Variants in RTL4 observed in about 807,000 individuals in gnomAD.
RTL4 encodes the protein retrotransposon Gag-like protein 4.
Under a neutral mutation model 5.3 loss-of-function variants are expected in RTL4, and 4 were observed. The ratio of observed to expected loss-of-function variants is 0.75; its 90% CI spans 0.37 to 1.72. RTL4 has a LOEUF of 1.72. Ranked by LOEUF, RTL4 falls within the 40% of genes most tolerant of loss-of-function variation. The probability of loss-of-function intolerance (pLI) is 0.04; values close to 1 mark genes in which losing one functional copy is unlikely to be tolerated. For missense variants in RTL4, 260 were observed against 227.1 expected (o/e 1.14, Z -0.93); for synonymous variants, 98 against 87.3 (o/e 1.12, Z -0.68).
chrX:112,117,906 T>C, the RTL4 span, among the ~76,000 whole-genome samples: 1 of 112,045 alleles, frequency 8.9e-6, no homozygotes, highest in South Asian at 3.7e-4. Flanking sequence ...TAATATTGTT[T>C]CTAATAGTAA....
chrX:112,177,099 C>G, the RTL4 span, among the ~76,000 whole-genome samples: 1 of 109,911 alleles, frequency 9.1e-6, no homozygotes, highest in Non-Finnish European at 1.9e-5. Context: ...TTGATGGACA[C>G]TTAGGTTGAT....
At chrX:112,118,342 G>A in the RTL4 span, among the ~76,000 whole-genome samples, 1 of 112,063 alleles carries the variant, frequency 8.9e-6, no homozygotes, top group African/African-American at 3.2e-5. Context: ...TCATTCACAT[G>A]GTTGTTGGCA....
At chrX:112,084,381 G>A in the RTL4 span, among the ~76,000 whole-genome samples, 5 of 110,101 alleles carry the variant, frequency 4.5e-5, no homozygotes, top group Admixed American at 4.8e-4. Context: ...TTATTACCCT[G>A]GGGGATGAAG....
chrX:112,116,812 G>T, the RTL4 span, among the ~76,000 whole-genome samples: 1 of 111,486 alleles, frequency 9.0e-6, no homozygotes, highest in Non-Finnish European at 1.9e-5. Flanking sequence ...TCAGCATATT[G>T]CCTGTAGAAC....
the RTL4 span, among the ~76,000 whole-genome samples, chrX:112,297,758 T>C: frequency 8.9e-6 from 1 of 111,753 alleles, no homozygotes; most frequent in Non-Finnish European, 1.9e-5. Context: ...ACCGCTTTCT[T>C]AAAGTGCAAC....
chrX:112,120,580 G>T, the RTL4 span, among the ~76,000 whole-genome samples: 65 of 92,970 alleles, frequency 7.0e-4, no homozygotes, highest in South Asian at 3.5e-3. Flanking sequence ...CCCGGCTGGG[G>T]TTTTTTTTTT....
At chrX:112,308,593 G>A in the RTL4 span, among the ~76,000 whole-genome samples, 3 of 111,754 alleles carry the variant, frequency 2.7e-5, no homozygotes, top group African/African-American at 9.8e-5. Flanking sequence ...CTGGATACCA[G>A]ACATATCTTT....
the RTL4 span, among the ~76,000 whole-genome samples, chrX:112,177,381 A>T: frequency 1.8e-5 from 2 of 111,073 alleles, no homozygotes; most frequent in African/African-American, 6.6e-5. Flanking sequence ...GACTGGGGTG[A>T]GGTCATACCC....
At chrX:112,189,772 A>T in the RTL4 span, among the ~76,000 whole-genome samples, 3 of 111,014 alleles carry the variant, frequency 2.7e-5, no homozygotes, top group East Asian at 8.5e-4. Flanking sequence ...CTCAAAAAAA[A>T]AAAGAAATAG....
the RTL4 span, among the ~76,000 whole-genome samples, chrX:112,402,851 G>T: frequency 9.0e-6 from 1 of 111,452 alleles, no homozygotes; most frequent in African/African-American, 3.3e-5. Flanking sequence ...GAACCAGACA[G>T]CTTTAAGGAA....
chrX:112,186,565 C>G, the RTL4 span, among the ~76,000 whole-genome samples: 2 of 111,998 alleles, frequency 1.8e-5, no homozygotes, highest in African/African-American at 6.5e-5. Flanking sequence ...ACGGGAAAAA[C>G]TGTAACATTT....
the RTL4 span, among the ~76,000 whole-genome samples, chrX:112,350,598 G>A: frequency 3.6e-5 from 4 of 111,151 alleles, no homozygotes; most frequent in African/African-American, 6.5e-5. Flanking sequence ...GTCTTGGGAG[G>A]GTGTATGTGT....
the RTL4 span, among the ~76,000 whole-genome samples, chrX:112,382,881 T>C: frequency 2.7e-5 from 3 of 111,913 alleles, no homozygotes; most frequent in Admixed American, 2.8e-4. Context: ...GAAGGAGACA[T>C]ATATTAGGTC....
chrX:112,152,360 A>G, the RTL4 span, among the ~76,000 whole-genome samples: 1 of 111,820 alleles, frequency 8.9e-6, no homozygotes, highest in Non-Finnish European at 1.9e-5. Flanking sequence ...CATTTCGGAA[A>G]CTCAATGGAA....
At chrX:112,315,979 A>G in the RTL4 span, among the ~76,000 whole-genome samples, 2 of 111,935 alleles carry the variant, frequency 1.8e-5, no homozygotes, top group Non-Finnish European at 3.8e-5. Context: ...TGGGCCATAG[A>G]ATGTGTGTTT....
At chrX:112,456,622 T>TCCA (rs1926849472) in exon 1 of RTL4, 1 of 267,257 alleles carries the variant, frequency 3.7e-6, no homozygotes, top group African/African-American at 2.8e-5. Context: ...CAAATAAATC[T>TCCA]CCACTGAAGA....
the RTL4 span, among the ~76,000 whole-genome samples, chrX:112,217,761 C>T: frequency 0.018 from 1,987 of 111,549 alleles, 45 homozygotes; most frequent in African/African-American, 0.062. Context: ...TCCTAGGTGG[C>T]GTAATTCGAA....
the RTL4 span, among the ~76,000 whole-genome samples, chrX:112,284,562 T>A: frequency 9.0e-6 from 1 of 111,683 alleles, no homozygotes; most frequent in South Asian, 3.7e-4. Context: ...CAAGGTTCTC[T>A]AAACTATGAA....
the RTL4 span, among the ~76,000 whole-genome samples, chrX:112,166,673 T>C: frequency 8.9e-6 from 1 of 111,767 alleles, no homozygotes; most frequent in Non-Finnish European, 1.9e-5. Flanking sequence ...AGGCGAAGTG[T>C]AGTATTTATG....
Sources: gnomAD v4.1 joint callset for allele counts (sites outside exome capture counted in the v4.1 genomes callset) on GRCh38, gnomAD v4.1.1 for gene constraint, MANE v1.5 for transcripts, NCBI Gene and HGNC (gene_info 2026-07-23, HGNC 2026-07-21) for gene names.